The following FOXO3 variants were observed in gnomAD, a reference collection of about 807,000 sequenced individuals.
The protein encoded by FOXO3 is forkhead box O3.
FOXO3 carries 4 observed loss-of-function variants against 41.9 expected under a neutral mutation model. That is an observed-to-expected ratio of 0.10 (90% confidence interval 0.05 to 0.22). The LOEUF (loss-of-function observed/expected upper bound fraction) is 0.22. Ranked by LOEUF, FOXO3 falls within the 10% of genes least tolerant of loss-of-function variation. The pLI is 1.00. For missense variants in FOXO3, 534 were observed against 906.8 expected (o/e 0.59, Z 5.28); for synonymous variants, 318 against 389.3 (o/e 0.82, Z 2.16).
chr6:108,657,794 AG>A (rs777082765), intron 1 of FOXO3, among the ~76,000 whole-genome samples: 114 of 152,332 alleles, frequency 7.5e-4, no homozygotes, highest in Non-Finnish European at 1.3e-3. Context: ...CCAGGGAAGA[AG>A]TGGGGAAACA....
chr6:108,574,604 G>A (rs1219367685), intron 1 of FOXO3, among the ~76,000 whole-genome samples: 7 of 152,164 alleles, frequency 4.6e-5, no homozygotes, highest in Admixed American at 4.6e-4. Context: ...GTTACTGACG[G>A]GTTTAAGAGC....
chr6:108,614,493 GT>G (rs1220939314), intron 1 of FOXO3, among the ~76,000 whole-genome samples: 3 of 152,022 alleles, frequency 2.0e-5, no homozygotes, highest in Non-Finnish European at 4.4e-5. Flanking sequence ...GGCAGTATTT[GT>G]TGTTGAAATC....
At chr6:108,560,826 A>G (rs2128353980), upstream of FOXO3, 3 of 336,326 alleles carry the variant, frequency 8.9e-6, no homozygotes, top group East Asian at 6.9e-5. Context: ...CTAGCCCGGG[A>G]GGGACCTGCG....
intron 1 of FOXO3, among the ~76,000 whole-genome samples, chr6:108,641,287 AC>A (rs1191490457): frequency 6.6e-6 from 1 of 152,200 alleles, no homozygotes; most frequent in Non-Finnish European, 1.5e-5. Flanking sequence ...AACTTAAGTT[AC>A]TGATTTTATT....
chr6:108,642,089 G>T (rs376847870), intron 1 of FOXO3, among the ~76,000 whole-genome samples: 17 of 134,976 alleles, frequency 1.3e-4, no homozygotes, highest in East Asian at 2.2e-4. Context: ...TGCTTTTGGT[G>T]TTTTTTTTTT....
At chr6:108,652,328 G>T (rs1461740301) in intron 1 of FOXO3, among the ~76,000 whole-genome samples, 5 of 152,234 alleles carry the variant, frequency 3.3e-5, no homozygotes, top group Non-Finnish European at 7.3e-5. Context: ...AAAAATTAGT[G>T]TTAGCAGATG....
At chr6:108,562,085 G>A (rs1346357971) in intron 1 of FOXO3, among the ~76,000 whole-genome samples, 1 of 152,150 alleles carries the variant, frequency 6.6e-6, no homozygotes, top group East Asian at 1.9e-4. Context: ...GGACGCCGGC[G>A]AGGGAAGGGC....
Position 108,596,169 on chromosome 6 carries a change from C to A in FOXO3, c.621+34340C>A, listed in dbSNP as rs116697741. ...ACCTTTCTCTTCCCCATCCTATTAT[C>A]CCTTAGCATTGAAAACATTTTTATA... is the stretch of plus-strand genomic sequence containing the variant. On this transcript the variant is annotated intron_variant, in intron 1 of 2. Transcript: ENST00000406360. Among the ~76,000 whole-genome samples the A allele has an allele frequency of 5.3e-3, 813 of 152,134 alleles. 8 individuals carry two copies. The highest frequency in any genetic ancestry group is 0.018 in the African/African-American group (739 of 41,494).
chr6:108,641,625 T>C (rs966532166), intron 1 of FOXO3, among the ~76,000 whole-genome samples: 2 of 152,108 alleles, frequency 1.3e-5, no homozygotes, highest in African/African-American at 4.8e-5. Flanking sequence ...ATTCACCTTA[T>C]TCCATTTTTA....
chr6:108,561,044 G>C lies in FOXO3; in HGVS notation c.-165G>C. Reference sequence around the variant, plus strand: ...TCGCCGAGGACGGGGCTCCGGCCCGGGATAACCAACTCTCCTTCTCTCTTC... The same window carrying C: ...TCGCCGAGGACGGGGCTCCGGCCCGCGATAACCAACTCTCCTTCTCTCTTC... On this transcript the variant is annotated 5_prime_UTR_variant, in exon 1 of 3. Transcript: ENST00000406360. The C allele has an allele frequency of 7.1e-7, 1 of 1,402,766 alleles. No homozygotes were observed. Among genetic ancestry groups the C allele is most frequent in the South Asian group, 1.6e-5 (1 of 64,186 alleles). 86.9% of individuals were successfully genotyped at this position (1,402,766 alleles called of 1,614,324 possible). A position where few individuals can be genotyped will look rare whatever the true frequency, so the allele number is the denominator to read the frequency against.
intron 1 of FOXO3, among the ~76,000 whole-genome samples, chr6:108,593,191 T>A (rs1432362255): frequency 2.0e-5 from 3 of 152,096 alleles, no homozygotes; most frequent in Non-Finnish European, 2.9e-5. Context: ...AGTAACAAGA[T>A]GTTCTTTTAT....
At chr6:108,677,180 T>G (rs548633710) in intron 2 of FOXO3, among the ~76,000 whole-genome samples, 2 of 152,326 alleles carry the variant, frequency 1.3e-5, no homozygotes, top group South Asian at 2.1e-4. Context: ...GAACATAGCT[T>G]CACAGGTGAC....
intron 1 of FOXO3, among the ~76,000 whole-genome samples, chr6:108,607,447 CAAA>C (rs36097684): frequency 8.0e-5 from 7 of 87,206 alleles, no homozygotes; most frequent in East Asian, 3.2e-4. Flanking sequence ...GAGACTATCT[CAAA>C]AAAAAAAAAA....
intron 1 of FOXO3, among the ~76,000 whole-genome samples, chr6:108,616,133 A>G (rs1395991224): frequency 1.6e-5 from 2 of 123,028 alleles, no homozygotes; most frequent in African/African-American, 6.2e-5. Flanking sequence ...GACTACAGGT[A>G]TGTGCCATCA....
chr6:108,625,287 T>C (rs374497271), intron 1 of FOXO3, among the ~76,000 whole-genome samples: 1 of 152,340 alleles, frequency 6.6e-6, no homozygotes, highest in East Asian at 1.9e-4. Context: ...TACTTAACAT[T>C]TCCATGCTTT....
intron 1 of FOXO3, among the ~76,000 whole-genome samples, chr6:108,644,770 G>C (rs1778350356): frequency 1.3e-5 from 2 of 152,092 alleles, no homozygotes; most frequent in East Asian, 3.9e-4. Context: ...AGTCTTTCCT[G>C]ACTTTCCAGT....
At chr6:108,606,859 G>A (rs530443039) in intron 1 of FOXO3, among the ~76,000 whole-genome samples, 62 of 152,308 alleles carry the variant, frequency 4.1e-4, no homozygotes, top group South Asian at 1.2e-3. Flanking sequence ...GATGTGACAG[G>A]AGGGGGTGAG....
At chr6:108,603,848 T>G (rs1777118509) in intron 1 of FOXO3, among the ~76,000 whole-genome samples, 1 of 152,164 alleles carries the variant, frequency 6.6e-6, no homozygotes, top group African/African-American at 2.4e-5. Context: ...AGAGTTTAGT[T>G]CTATTTTTTA....
At chr6:108,674,558 T>C (rs1003839329) in intron 2 of FOXO3, among the ~76,000 whole-genome samples, 4 of 152,200 alleles carry the variant, frequency 2.6e-5, no homozygotes, top group Admixed American at 6.5e-5. Flanking sequence ...AGGCACATTA[T>C]GATTAGATAC....
Sources: allele counts gnomAD v4.1 joint callset (sites outside exome capture counted in the v4.1 genomes callset), GRCh38; gene constraint gnomAD v4.1.1; transcripts MANE v1.5; gene names NCBI Gene and HGNC (gene_info 2026-07-23, HGNC 2026-07-21).